PACRG: variants seen among roughly 807,000 people sequenced by gnomAD.
The protein encoded by PACRG is parkin coregulated.
PACRG carries 29 observed loss-of-function variants against 29.7 expected under a neutral mutation model. That is an observed-to-expected ratio of 0.98 (90% confidence interval 0.73 to 1.33). The LOEUF (loss-of-function observed/expected upper bound fraction) is 1.33. Ranked by LOEUF, PACRG falls within the 40% of genes most tolerant of loss-of-function variation. The pLI, the probability that PACRG is intolerant of heterozygous loss-of-function variation, is 0.00. For missense variants in PACRG, 279 were observed against 316.2 expected (o/e 0.88, Z 0.89); for synonymous variants, 116 against 118.7 (o/e 0.98, Z 0.15).
At chr6:162,806,373 G>A (rs2128348001) in intron 1 of PACRG, among the ~76,000 whole-genome samples, 1 of 151,160 alleles carries the variant, frequency 6.6e-6, no homozygotes, top group Middle Eastern at 3.4e-3. Context: ...GGCTTCCAAA[G>A]TGCTGGGATT....
At chr6:162,891,960 A>C (rs1794793794) in intron 2 of PACRG, 1 of 152,342 alleles carries the variant, frequency 6.6e-6, no homozygotes. Flanking sequence ...CACTCACTGC[A>C]TGCAGGTGTT....
intron 4 of PACRG, among the ~76,000 whole-genome samples, chr6:163,236,358 A>G (rs971125978): frequency 6.6e-6 from 1 of 152,194 alleles, no homozygotes; most frequent in African/African-American, 2.4e-5. Flanking sequence ...ACTTATGTAT[A>G]CTTATGCTTT....
intron 2 of PACRG, among the ~76,000 whole-genome samples, chr6:162,844,836 A>G (rs1562655626): frequency 1.3e-5 from 2 of 152,234 alleles, no homozygotes; most frequent in Non-Finnish European, 1.5e-5. Flanking sequence ...AGTTATTTAT[A>G]TAACATGAAG....
At chr6:162,792,227 A>G (rs541210476) in intron 1 of PACRG, among the ~76,000 whole-genome samples, 1 of 152,214 alleles carries the variant, frequency 6.6e-6, no homozygotes, top group South Asian at 2.1e-4. Flanking sequence ...AGGGTGGGTT[A>G]AGGGAGTTCA....
At chr6:162,980,208 A>G (rs1191430887) in intron 2 of PACRG, among the ~76,000 whole-genome samples, 1 of 151,910 alleles carries the variant, frequency 6.6e-6, no homozygotes. Flanking sequence ...ACACATTTTC[A>G]GTGTAATAAT....
chr6:163,176,310 A>G (rs1779356584), intron 4 of PACRG, among the ~76,000 whole-genome samples: 1 of 152,230 alleles, frequency 6.6e-6, no homozygotes. Context: ...AAATTGTGCA[A>G]TCTTGATATA....
intron 4 of PACRG, among the ~76,000 whole-genome samples, chr6:163,295,842 A>G (rs926752617): frequency 1.1e-4 from 16 of 152,256 alleles, no homozygotes; most frequent in African/African-American, 3.9e-4. Flanking sequence ...GGCCAACCTC[A>G]TAGAATTAAG....
chr6:163,000,421 C>T (rs930145863), intron 2 of PACRG, among the ~76,000 whole-genome samples: 2 of 152,160 alleles, frequency 1.3e-5, no homozygotes, highest in Admixed American at 6.5e-5. Context: ...CATTGCACTC[C>T]CATCACACTC....
chr6:162,893,991 G>A (rs1463759058), intron 2 of PACRG, among the ~76,000 whole-genome samples: 1 of 152,182 alleles, frequency 6.6e-6, no homozygotes, highest in Non-Finnish European at 1.5e-5. Context: ...GACAGTGAAT[G>A]GCAGTAACAA....
chr6:162,967,349 T>C (rs1232311362), intron 2 of PACRG, among the ~76,000 whole-genome samples: 1 of 152,166 alleles, frequency 6.6e-6, no homozygotes, highest in Non-Finnish European at 1.5e-5. Flanking sequence ...TGAAAGTGTG[T>C]TATTAAAAGT....
intron 2 of PACRG, among the ~76,000 whole-genome samples, chr6:162,833,720 AT>A (rs1788977069): frequency 6.6e-6 from 1 of 152,032 alleles, no homozygotes; most frequent in Admixed American, 6.6e-5. Flanking sequence ...AATTAAAAAA[AT>A]ATGTACTTAA....
intron 4 of PACRG, among the ~76,000 whole-genome samples, chr6:163,089,729 CT>C (rs1002310162): frequency 2.0e-5 from 3 of 151,994 alleles, no homozygotes; most frequent in African/African-American, 7.2e-5. Flanking sequence ...TGAGTTTGTT[CT>C]TTTTCTTCAT....
At chr6:163,294,787 T>C (rs1347855265) in intron 4 of PACRG, among the ~76,000 whole-genome samples, 2 of 151,620 alleles carry the variant, frequency 1.3e-5, no homozygotes, top group African/African-American at 4.9e-5. Flanking sequence ...AAAACAGTTT[T>C]CATCTGAATA....
At chr6:163,220,574 A>C (rs1334699733) in intron 4 of PACRG, among the ~76,000 whole-genome samples, 1 of 152,188 alleles carries the variant, frequency 6.6e-6, no homozygotes, top group Non-Finnish European at 1.5e-5. Context: ...ATATATGATA[A>C]ATTAAATTAG....
intron 4 of PACRG, among the ~76,000 whole-genome samples, chr6:163,229,369 A>AACC (rs1049419954): frequency 4.6e-5 from 7 of 152,054 alleles, no homozygotes; most frequent in African/African-American, 1.4e-4. Flanking sequence ...AAAAAGACAA[A>AACC]ACCACCACCA....
At chr6:163,312,815 C>A in intron 4 of PACRG, 1 of 433,922 alleles carries the variant, frequency 2.3e-6, no homozygotes, top group South Asian at 1.6e-5. Flanking sequence ...TGCAGTGGCG[C>A]GATCATGGCT....
At chr6:163,240,496 G>A (rs1482759685) in intron 4 of PACRG, among the ~76,000 whole-genome samples, 2 of 151,922 alleles carry the variant, frequency 1.3e-5, no homozygotes, top group Admixed American at 6.5e-5. Context: ...GTGAGGTCAC[G>A]GGGTCCAATG....
chr6:162,781,580 A>G (rs546149424), intron 1 of PACRG, among the ~76,000 whole-genome samples: 1 of 151,912 alleles, frequency 6.6e-6, no homozygotes, highest in Non-Finnish European at 1.5e-5. Context: ...AAGGTTCATA[A>G]CATACGTAGG....
chr6:162,877,522 C>T (rs566369502), intron 2 of PACRG, among the ~76,000 whole-genome samples: 1 of 151,118 alleles, frequency 6.6e-6, no homozygotes, highest in African/African-American at 2.4e-5. Context: ...CACCATGACA[C>T]ATGTATACCT....
Sources: gnomAD v4.1 joint callset for allele counts (sites outside exome capture counted in the v4.1 genomes callset) on GRCh38, gnomAD v4.1.1 for gene constraint, MANE v1.5 for transcripts, NCBI Gene and HGNC (gene_info 2026-07-23, HGNC 2026-07-21) for gene names.